Variants in PIGL observed in about 807,000 individuals in gnomAD.
PIGL encodes N-acetylglucosaminyl-phosphatidylinositol de-N-acetylase.
A neutral mutation model predicts 31.1 loss-of-function variants in PIGL; 22 were observed. The ratio of observed to expected loss-of-function variants is 0.71; its 90% CI spans 0.51 to 1.01. The LOEUF (loss-of-function observed/expected upper bound fraction) is 1.01, where lower values mean the gene tolerates loss of function less well. PIGL is among the 50% of genes least tolerant of loss of function. The pLI, the probability that PIGL is intolerant of heterozygous loss-of-function variation, is 0.00. For missense variants in PIGL, 302 were observed against 315.9 expected (o/e 0.96, Z 0.33); for synonymous variants, 131 against 117.4 (o/e 1.12, Z -0.75).
rs183411928 is a variant in PIGL, at chr17:16,310,092, A to G, written c.427-3455A>G. On this transcript the variant is annotated intron_variant, in intron 3 of 6. Transcript: ENST00000225609. ...GACTCCATCTCAAAAAAAAAAAAAAAAAAGAAAGAAAGAAAGAAAAAAGAA... is the reference window on the plus strand; with the variant it reads ...GACTCCATCTCAAAAAAAAAAAAAAGAAAGAAAGAAAGAAAGAAAAAAGAA... Among the ~76,000 whole-genome samples the G allele has an allele frequency of 3.0e-4, 46 of 151,416 alleles. No homozygotes were observed. In the East Asian group the frequency reaches 5.4e-3, roughly 18 times the overall value.
rs371614145 is a variant in PIGL at position 16,240,599 on chromosome 17, C to A, written c.335+6529C>A. Among the ~76,000 whole-genome samples the A allele has an allele frequency of 1.8e-4, 27 of 152,102 alleles. 1 individual carries two copies. In the East Asian group the frequency reaches 3.7e-3, roughly 21 times the overall value. Reference sequence around the variant, plus strand: ...CTCACTGCAGCCTAACTCCCGGGTGCAAGGGATCCTTCCACCTCAGCCTCC... The same window carrying A: ...CTCACTGCAGCCTAACTCCCGGGTGAAAGGGATCCTTCCACCTCAGCCTCC... On this transcript the variant is annotated intron_variant, in intron 2 of 6. Coordinates refer to ENST00000225609, the MANE Select transcript of PIGL (RefSeq NM_004278.4).
rs116638560 is a variant in PIGL at position 16,319,980 on chromosome 17, G to A, written c.660+2072G>A. Among the ~76,000 whole-genome samples, 169 of 151,650 alleles carry A rather than the reference G, an allele frequency of 1.1e-3. 1 individual carries two copies. The highest frequency in any genetic ancestry group is 3.9e-3 in the African/African-American group (162 of 41,356). On this transcript the variant is annotated intron_variant, in intron 6 of 6. Transcript: ENST00000225609. ...ACTTAAGCCCCCCACAGAGAGATGG[G>A]TAGCATAACAAGTGAAAGAACCAAG...
At chr17:16,244,484 G>A (rs1371272105) in intron 2 of PIGL, among the ~76,000 whole-genome samples, 1 of 152,162 alleles carries the variant, frequency 6.6e-6, no homozygotes, top group Non-Finnish European at 1.5e-5. Context: ...ACAATGTCCT[G>A]CCTGTGCAGT....
At position 16,297,471 on chromosome 17, in the gene PIGL, A is replaced by G. The variant is rs1009872934; in HGVS notation, c.336-2417A>G. On this transcript the variant is annotated intron_variant, in intron 2 of 6. Coordinates refer to ENST00000225609, the MANE Select transcript of PIGL (RefSeq NM_004278.4). ...CCTTTCTCTCGTGTGCTAAAGTTCC[A>G]TACAATATTACTGGTGTATTCCCTC... Among the ~76,000 whole-genome samples the G allele has an allele frequency of 2.0e-5, 3 of 152,332 alleles. No homozygotes were observed. In the South Asian group the frequency reaches 6.2e-4, roughly 32 times the overall value.
chr17:16,259,911 C>T (rs2092812278), intron 2 of PIGL, among the ~76,000 whole-genome samples: 1 of 152,200 alleles, frequency 6.6e-6, no homozygotes, highest in African/African-American at 2.4e-5. Context: ...CCCCTGCCCC[C>T]ACAGGCTCAA....
chr17:16,316,618 C>T (rs1311748864), intron 4 of PIGL, 63 bp from the exon 5 acceptor site: 5 of 1,520,002 alleles, frequency 3.3e-6, no homozygotes, highest in Non-Finnish European at 4.5e-6. Flanking sequence ...CTGAAGGCCC[C>T]TCCTGTTACC....
chr17:16,273,731 G>A (rs755266929), intron 2 of PIGL, among the ~76,000 whole-genome samples: 10 of 152,186 alleles, frequency 6.6e-5, no homozygotes, highest in Non-Finnish European at 1.3e-4. Context: ...TCTCCCAGAT[G>A]TGTGCATTTA....
chr17:16,323,940 G>A (rs2093116635), intron 6 of PIGL, among the ~76,000 whole-genome samples: 2 of 151,378 alleles, frequency 1.3e-5, no homozygotes, highest in South Asian at 2.1e-4. Context: ...TTTGTTAGCA[G>A]ATTATTTCTC....
At chr17:16,237,912 T>C (rs1457196232) in intron 2 of PIGL, among the ~76,000 whole-genome samples, 1 of 151,718 alleles carries the variant, frequency 6.6e-6, no homozygotes, top group East Asian at 1.9e-4. Context: ...TTCAAGAATT[T>C]CAGGGCCGGG....
At chr17:16,236,539 A>G (rs1047842021) in intron 2 of PIGL, among the ~76,000 whole-genome samples, 1 of 152,192 alleles carries the variant, frequency 6.6e-6, no homozygotes, top group Non-Finnish European at 1.5e-5. Context: ...GTCCATAACC[A>G]GCATAGTAGG....
intron 2 of PIGL, chr17:16,282,194 C>T: frequency 2.7e-6 from 1 of 374,372 alleles, no homozygotes. Context: ...TGCCCACAGT[C>T]CCCTGAAAGC....
intron 3 of PIGL, among the ~76,000 whole-genome samples, chr17:16,308,190 G>A (rs1016595848): frequency 1.1e-4 from 16 of 151,986 alleles, no homozygotes; most frequent in Non-Finnish European, 2.1e-4. Context: ...AAAATTAGCC[G>A]GGTGTGGTGG....
At chr17:16,217,627 T>TACACCCTC in intron 1 of PIGL, 166 bp downstream of exon 1, 1 of 523,076 alleles carries the variant, frequency 1.9e-6, no homozygotes, top group South Asian at 3.3e-5. Context: ...AGCGGCCGGC[T>TACACCCTC]TACCTGGTGG....
intron 1 of PIGL, among the ~76,000 whole-genome samples, chr17:16,231,267 C>T (rs2092678216): frequency 6.9e-6 from 1 of 145,168 alleles, no homozygotes; most frequent in African/African-American, 2.6e-5. Flanking sequence ...CAGGGTCTCA[C>T]ATTGTCACCC....
At chr17:16,228,350 G>A (rs564258129) in intron 1 of PIGL, among the ~76,000 whole-genome samples, 37 of 151,912 alleles carry the variant, frequency 2.4e-4, no homozygotes, top group Admixed American at 1.7e-3. Flanking sequence ...GAGCCACTGC[G>A]CCCAGCGATT....
chr17:16,316,769 T>A, intron 5 of PIGL, 57 bp downstream of exon 5: 1 of 1,600,720 alleles, frequency 6.2e-7, no homozygotes, highest in Non-Finnish European at 8.6e-7. Flanking sequence ...GAGAAACTTA[T>A]GAGGGGGAAA....
rs1218811107 is a variant in PIGL at position 16,234,079 on chromosome 17, T to C, written c.335+9T>C. On this transcript the variant is annotated intron_variant, in intron 2 of 6. Coordinates refer to ENST00000225609, the MANE Select transcript of PIGL (RefSeq NM_004278.4). ...ATGATTATTGACAACAGGTAATATA[T>C]CTTTTAACAATGTAGAAATTTATTG... The C allele has an allele frequency of 9.8e-6, 14 of 1,435,354 alleles. No individual in the cohort carries two copies. The highest frequency in any genetic ancestry group is 1.4e-5 in the African/African-American group (1 of 71,270). The allele number at this position is 1,435,354 out of a possible 1,614,324, so 88.9% of individuals were successfully genotyped here.
chr17:16,320,934 CA>C lies in PIGL; in HGVS notation c.660+3027del, dbSNP rs1389146575. Among the ~76,000 whole-genome samples the C allele has an allele frequency of 4.1e-5, 5 of 121,408 alleles. 1 individual carries two copies. The South Asian group carries it at 7.7e-4, about 19-fold the overall frequency. 79.6% of individuals were successfully genotyped at this position (121,408 alleles called of 152,430 possible). ...ACAGGCATGAGCCACTGTGCCTGGC[CA>C]TTTTTTTTTTTTTTTTTTTTGAGAC... On this transcript the variant is annotated intron_variant, in intron 6 of 6. Coordinates refer to ENST00000225609, the MANE Select transcript of PIGL (RefSeq NM_004278.4).
intron 2 of PIGL, among the ~76,000 whole-genome samples, chr17:16,266,178 G>A (rs1335042180): frequency 6.6e-6 from 1 of 151,906 alleles, no homozygotes; most frequent in East Asian, 1.9e-4. Context: ...ACTTTGGGAG[G>A]CTGAGGCAGG....
Sources: gnomAD v4.1 joint callset for allele counts (sites outside exome capture counted in the v4.1 genomes callset) on GRCh38, gnomAD v4.1.1 for gene constraint, MANE v1.5 for transcripts, NCBI Gene and HGNC (gene_info 2026-07-23, HGNC 2026-07-21) for gene names.